The following SCRN1 variants were observed in gnomAD, a reference collection of about 807,000 sequenced individuals.
SCRN1 encodes secernin 1.
SCRN1 carries 19 observed loss-of-function variants against 43.3 expected under a neutral mutation model. The ratio of observed to expected loss-of-function variants is 0.44; its 90% CI spans 0.31 to 0.64. The LOEUF is 0.64. Among genes scored for constraint, SCRN1 ranks in the 30% least tolerant of loss-of-function variants. SCRN1 has a pLI of 0.09. For synonymous variants in SCRN1, 183 were observed against 188.9 expected (o/e 0.97, Z 0.26); for missense variants, 447 against 524.1 (o/e 0.85, Z 1.44).
At chr7:29,952,284 A>C (rs1457624961) in intron 3 of SCRN1, among the ~76,000 whole-genome samples, 1 of 152,220 alleles carries the variant, frequency 6.6e-6, no homozygotes, top group African/African-American at 2.4e-5. Context: ...CACCAGCCAT[A>C]CTTTGAGAAC....
At position 29,947,368 on chromosome 7, in the gene SCRN1, G is replaced by A. The variant is rs565999011; in HGVS notation, c.342-3189C>T. ...CCTGTACTTCTCCTGCTTAAAGCCC[G>A]TTTGTTTAGAAACTCTGCTTATCTT... On this transcript the variant is annotated intron_variant, in intron 3 of 7. Transcript: ENST00000242059. 1.0e-3 allele frequency: 1,553 copies of A among 1,540,822 alleles called. 4 individuals carry two copies. Among genetic ancestry groups the A allele is most frequent in the Non-Finnish European group, 1.1e-3 (1,273 of 1,142,552 alleles).
At position 29,963,092 on chromosome 7, in the gene SCRN1, ACAAAGTGCTTT is replaced by A. The variant is rs796638923; in HGVS notation, c.159+5806_159+5816del. Among the ~76,000 whole-genome samples the A allele has an allele frequency of 2.6e-4, 39 of 152,264 alleles. 2 individuals are homozygous for A. The highest frequency in any genetic ancestry group is 9.1e-4 in the African/African-American group (38 of 41,564). ...TTCACAATGTTCTCCTTAAAGCTTT[ACAAAGTGCTTT>A]CATGCATCAGCTCACGTGTGTCTCA... On this transcript the variant is annotated intron_variant, in intron 2 of 7. Coordinates refer to ENST00000242059, the MANE Select transcript of SCRN1 (RefSeq NM_014766.5).
At chr7:29,984,204 CAAAAAAAAAA>C (rs55733700) in intron 1 of SCRN1, among the ~76,000 whole-genome samples, 2 of 98,246 alleles carry the variant, frequency 2.0e-5, no homozygotes, top group Non-Finnish European at 2.0e-5. Context: ...AGACAGTCTC[CAAAAAAAAAA>C]AAAAAAAAAA....
At chr7:29,942,926 GACTA>G (rs1787605709) in intron 4 of SCRN1, among the ~76,000 whole-genome samples, 1 of 152,102 alleles carries the variant, frequency 6.6e-6, no homozygotes, top group African/African-American at 2.4e-5. Context: ...CTGATCACTG[GACTA>G]ACTTTGTGCA....
At chr7:29,982,682 C>CAAAAA (rs10538004) in intron 1 of SCRN1, among the ~76,000 whole-genome samples, 8 of 64,738 alleles carry the variant, frequency 1.2e-4, no homozygotes, top group Non-Finnish European at 1.8e-4. Context: ...GACCCTGTCT[C>CAAAAA]AAAAAAAAAA....
At chr7:29,933,675 G>A (rs1787232071) in intron 6 of SCRN1, among the ~76,000 whole-genome samples, 1 of 152,134 alleles carries the variant, frequency 6.6e-6, no homozygotes. Context: ...TCTGACTTTA[G>A]CATCTCCTTC....
At chr7:29,982,301 A>ATG (rs1311817334) in intron 1 of SCRN1, among the ~76,000 whole-genome samples, 1 of 152,148 alleles carries the variant, frequency 6.6e-6, no homozygotes, top group Non-Finnish European at 1.5e-5. Context: ...ATATACATAT[A>ATG]TGTGTGTGTG....
At chr7:29,968,853 G>T in intron 2 of SCRN1, 56 bp downstream of exon 2, 1 of 1,602,298 alleles carries the variant, frequency 6.2e-7, no homozygotes, top group Non-Finnish European at 8.5e-7. Context: ...GGTTGTGCTA[G>T]CGGCAAAGCC....
rs1459660424 is a variant in SCRN1 at position 29,921,357 on chromosome 7, A to C, written c.*2600T>G. The stretch of plus-strand genomic sequence containing the variant: ...CATGTAACAAGCATTTTTCAAAAGC[A>C]AAATCTGTTAGGAACATTTAAAAAT... On this transcript the variant is annotated 3_prime_UTR_variant, in exon 8 of 8. Coordinates refer to ENST00000242059, the MANE Select transcript of SCRN1 (RefSeq NM_014766.5). The C allele has an allele frequency of 6.6e-6, 1 of 152,296 alleles. No individual in the cohort carries two copies. The highest frequency in any genetic ancestry group is 2.4e-5 in the African/African-American group (1 of 41,470). 9.4% of individuals were successfully genotyped at this position (152,296 alleles called of 1,614,324 possible).
intron 1 of SCRN1, among the ~76,000 whole-genome samples, chr7:29,982,949 T>C (rs7802022): frequency 0.28 from 42,290 of 151,554 alleles, 6,350 homozygotes; most frequent in African/African-American, 0.39. Context: ...AGCAATTCTC[T>C]TGCCTCAGCC....
intron 1 of SCRN1, among the ~76,000 whole-genome samples, chr7:29,971,648 A>C (rs1206859757): frequency 2.0e-5 from 3 of 152,102 alleles, no homozygotes; most frequent in Admixed American, 6.6e-5. Context: ...AAAAAAAAAA[A>C]AAACTTTATT....
intron 1 of SCRN1, among the ~76,000 whole-genome samples, chr7:29,972,007 G>C (rs754934123): frequency 9.8e-5 from 15 of 152,302 alleles, no homozygotes; most frequent in Non-Finnish European, 2.1e-4. Context: ...AAGATAAAGA[G>C]GCTCCAGTTC....
chr7:29,979,144 C>T (rs930249651), intron 1 of SCRN1, among the ~76,000 whole-genome samples: 1 of 152,134 alleles, frequency 6.6e-6, no homozygotes, highest in Non-Finnish European at 1.5e-5. Context: ...GCGGGCGGGT[C>T]ACAAGGTCAG....
Position 29,932,651 on chromosome 7 carries a change from C to CAAAAAAAAAAAAA in SCRN1, c.905+3892_905+3904dup, listed in dbSNP as rs1162835669. Among the ~76,000 whole-genome samples the CAAAAAAAAAAAAA allele has an allele frequency of 5.0e-4, 4 of 8,048 alleles. 1 individual carries two copies. Among genetic ancestry groups the CAAAAAAAAAAAAA allele is most frequent in the African/African-American group, 1.7e-3 (4 of 2,362 alleles). The allele number at this position is 8,048 out of a possible 152,430, so 5.3% of individuals were successfully genotyped here. ...TAGGTAACAGAGTGAGATTCCATCT[C>CAAAAAAAAAAAAA]AAAAAAAAAAAAAAAAAAAAAAAAA... On this transcript the variant is annotated intron_variant, in intron 6 of 7. Transcript: ENST00000242059.
At chr7:29,926,803 C>A (rs549050511) in intron 6 of SCRN1, among the ~76,000 whole-genome samples, 171 bp from the exon 7 acceptor site, 4 of 152,038 alleles carry the variant, frequency 2.6e-5, no homozygotes, top group Non-Finnish European at 5.9e-5. Context: ...ATGTTTTAGT[C>A]GCTATTTTAG....
chr7:29,989,987 G>A, upstream of SCRN1: 9 of 1,418,710 alleles, frequency 6.3e-6, no homozygotes, highest in Non-Finnish European at 8.3e-6. Context: ...GCGGCCGAGA[G>A]GGCGTATCTC....
upstream of SCRN1, chr7:29,989,911 C>T (rs1353889355): frequency 1.2e-5 from 14 of 1,121,180 alleles, no homozygotes; most frequent in Non-Finnish European, 1.4e-5. Flanking sequence ...GCACCCCGCG[C>T]GTCTGGCTGC....
At position 29,968,890 on chromosome 7, in the gene SCRN1, A is replaced by G. The variant is rs757451365; in HGVS notation, c.159+19T>C. On this transcript the variant is annotated intron_variant, in intron 2 of 7. Transcript: ENST00000242059. The stretch of plus-strand genomic sequence containing the variant: ...GAGAAAAGAGAGTGTGACTCGCGAG[A>G]CTGCAATGCACGGCTTACCTCAACC... 6.2e-7 allele frequency: 1 copy of G among 1,613,680 alleles called. No individual in the cohort carries two copies. The highest frequency in any genetic ancestry group is 2.2e-5 in the East Asian group (1 of 44,866).
Position 29,989,687 on chromosome 7 carries a change from A to C in SCRN1, c.-47T>G. 1 of 985,686 alleles carries C rather than the reference A, an allele frequency of 1.0e-6. No individual in the cohort carries two copies. Among genetic ancestry groups the C allele is most frequent in the Non-Finnish European group, 1.2e-6 (1 of 830,178 alleles). The allele number at this position is 985,686 out of a possible 1,614,324, so 61.1% of individuals were successfully genotyped here. A position where few individuals can be genotyped will look rare whatever the true frequency, so the allele number is the denominator to read the frequency against. ...CTCCGCTCTCCGCTCTGCGGTGCTG[A>C]GGCTGCGGCCGCCGAGGGTGCGGGT... On this transcript the variant is annotated 5_prime_UTR_variant, in exon 1 of 8. Coordinates refer to ENST00000242059, the MANE Select transcript of SCRN1 (RefSeq NM_014766.5).
Sources: gnomAD v4.1 joint callset for allele counts (sites outside exome capture counted in the v4.1 genomes callset) on GRCh38, gnomAD v4.1.1 for gene constraint, MANE v1.5 for transcripts, NCBI Gene and HGNC (gene_info 2026-07-23, HGNC 2026-07-21) for gene names.